The following BANK1 variants were observed in gnomAD, a reference collection of about 807,000 sequenced individuals.
The protein encoded by BANK1 is B cell scaffold protein with ankyrin repeats 1.
BANK1 carries 95 observed loss-of-function variants against 94.5 expected under a neutral mutation model. The observed-to-expected ratio is 1.00, with a 90% CI of 0.85 to 1.19. The LOEUF is 1.19. Among genes scored for constraint, BANK1 ranks in the 50% most tolerant of loss-of-function variants. The pLI is 0.00. For missense variants in BANK1, 987 were observed against 932.2 expected (o/e 1.06, Z -0.77); for synonymous variants, 334 against 308.4 (o/e 1.08, Z -0.87).
intron 1 of BANK1, chr4:101,813,837 G>T (rs1295303019): frequency 2.0e-6 from 2 of 985,290 alleles, no homozygotes; most frequent in Non-Finnish European, 2.4e-6. Flanking sequence ...TGGCCAACAA[G>T]GGCTGCAGAG....
At chr4:101,798,710 A>G (rs1237169088) in intron 1 of BANK1, among the ~76,000 whole-genome samples, 2 of 152,220 alleles carry the variant, frequency 1.3e-5, no homozygotes, top group Admixed American at 1.3e-4. Flanking sequence ...TCTGATGGCC[A>G]ATGATGATGA....
chr4:101,967,629 C>G (rs1372379550), intron 7 of BANK1, among the ~76,000 whole-genome samples: 1 of 151,882 alleles, frequency 6.6e-6, no homozygotes, highest in Non-Finnish European at 1.5e-5. Context: ...AAACGATGCT[C>G]TGAAGGATTT....
intron 16 of BANK1, 38 bp from the exon 17 acceptor site, chr4:102,073,967 A>C: frequency 2.6e-6 from 1 of 378,470 alleles, no homozygotes; most frequent in Non-Finnish European, 4.7e-6. Flanking sequence ...TTGATGAGCT[A>C]TTATTCACTA....
At chr4:101,871,736 C>T (rs1728295711) in intron 5 of BANK1, among the ~76,000 whole-genome samples, 1 of 152,068 alleles carries the variant, frequency 6.6e-6, no homozygotes, top group Non-Finnish European at 1.5e-5. Context: ...ACCTTATCCT[C>T]TACTTAAAAA....
chr4:101,792,748 G>T (rs1187982859), intron 1 of BANK1, among the ~76,000 whole-genome samples: 2 of 152,120 alleles, frequency 1.3e-5, no homozygotes, highest in Non-Finnish European at 2.9e-5. Context: ...GCAGGAGATA[G>T]AATGTACTGC....
chr4:102,044,577 T>TGA (rs1727815390), intron 11 of BANK1, among the ~76,000 whole-genome samples: 1 of 128,596 alleles, frequency 7.8e-6, no homozygotes, highest in Non-Finnish European at 1.6e-5. Flanking sequence ...AAATGGTATT[T>TGA]CCAGTTCTAG....
At chr4:101,939,646 C>G (rs540265793) in intron 7 of BANK1, among the ~76,000 whole-genome samples, 1 of 151,606 alleles carries the variant, frequency 6.6e-6, no homozygotes, top group South Asian at 2.1e-4. Flanking sequence ...TGGCCTAAAC[C>G]AGCCACATGG....
intron 11 of BANK1, among the ~76,000 whole-genome samples, chr4:102,050,998 T>C (rs1277865452): frequency 6.6e-6 from 1 of 152,190 alleles, no homozygotes; most frequent in Admixed American, 6.5e-5. Flanking sequence ...GGCTGGTCTT[T>C]TGTAGGGCAG....
intron 7 of BANK1, among the ~76,000 whole-genome samples, chr4:101,983,532 C>G (rs1451342835): frequency 2.0e-5 from 3 of 152,070 alleles, no homozygotes; most frequent in African/African-American, 7.2e-5. Flanking sequence ...TACAACAATG[C>G]CTGGCAGCCA....
At chr4:101,979,629 C>G (rs1219641107) in intron 7 of BANK1, among the ~76,000 whole-genome samples, 1 of 151,786 alleles carries the variant, frequency 6.6e-6, no homozygotes, top group Non-Finnish European at 1.5e-5. Flanking sequence ...GTCTATCTCT[C>G]TATATGTATG....
intron 7 of BANK1, among the ~76,000 whole-genome samples, chr4:101,963,756 A>G (rs1302646677): frequency 2.0e-5 from 3 of 152,104 alleles, no homozygotes; most frequent in Non-Finnish European, 2.9e-5. Context: ...TCTTCAGCCA[A>G]ATCATTTACC....
At chr4:101,852,467 C>T (rs190905146) in intron 2 of BANK1, among the ~76,000 whole-genome samples, 942 of 81,226 alleles carry the variant, frequency 0.012, 18 homozygotes, top group African/African-American at 0.048. Context: ...CAATATTTTT[C>T]GGCTATATAT....
At chr4:101,906,233 T>C (rs1245382863) in intron 6 of BANK1, among the ~76,000 whole-genome samples, 1 of 152,226 alleles carries the variant, frequency 6.6e-6, no homozygotes, top group African/African-American at 2.4e-5. Context: ...TCTTTAACAG[T>C]CCCATTACAA....
chr4:101,879,026 T>C (rs868644984), intron 5 of BANK1, among the ~76,000 whole-genome samples: 2 of 150,484 alleles, frequency 1.3e-5, no homozygotes, highest in African/African-American at 4.9e-5. Context: ...AAATAAACAA[T>C]GTACCGATAC....
chr4:101,850,504 A>T (rs1305032734), intron 2 of BANK1, among the ~76,000 whole-genome samples: 4 of 150,854 alleles, frequency 2.7e-5, no homozygotes, highest in African/African-American at 9.8e-5. Flanking sequence ...GCTGGTCTCG[A>T]ACTCTTGACC....
At chr4:102,054,168 A>C (rs934971748) in intron 11 of BANK1, among the ~76,000 whole-genome samples, 1 of 140,268 alleles carries the variant, frequency 7.1e-6, no homozygotes, top group African/African-American at 2.8e-5. Context: ...TTCCTTTTTA[A>C]AATGGATTGA....
chr4:101,798,377 G>A (rs754386553), intron 1 of BANK1, among the ~76,000 whole-genome samples: 24 of 152,274 alleles, frequency 1.6e-4, no homozygotes, highest in Admixed American at 9.8e-4. Flanking sequence ...AGCCGATGGC[G>A]TCACACCAAA....
intron 7 of BANK1, among the ~76,000 whole-genome samples, chr4:101,923,847 G>T (rs2148902427): frequency 6.6e-6 from 1 of 151,636 alleles, no homozygotes; most frequent in Admixed American, 6.6e-5. Flanking sequence ...TTATGATAAT[G>T]ACCTACAAAA....
At chr4:101,992,531 CAGTTCATAGAA>C (rs1460922672) in intron 7 of BANK1, among the ~76,000 whole-genome samples, 1 of 152,104 alleles carries the variant, frequency 6.6e-6, no homozygotes, top group African/African-American at 2.4e-5. Context: ...ATGTGTGCAG[CAGTTCATAGAA>C]ACCATGTTAG....
Sources: allele counts gnomAD v4.1 joint callset (sites outside exome capture counted in the v4.1 genomes callset), GRCh38; gene constraint gnomAD v4.1.1; transcripts MANE v1.5; gene names NCBI Gene and HGNC (gene_info 2026-07-23, HGNC 2026-07-21).